TMTC2: variants seen among roughly 807,000 people sequenced by gnomAD.
The protein encoded by TMTC2 is protein O-mannosyl-transferase TMTC2.
TMTC2 carries 43 observed loss-of-function variants against 82.4 expected under a neutral mutation model. That is an observed-to-expected ratio of 0.52 (90% CI 0.41 to 0.67). TMTC2 has a LOEUF of 0.67. TMTC2 is among the 30% of genes least tolerant of loss of function. The probability of loss-of-function intolerance (pLI) is 0.00; values close to 1 mark genes in which losing one functional copy is unlikely to be tolerated. For missense variants in TMTC2, 919 were observed against 1,012.4 expected (o/e 0.91, Z 1.25); for synonymous variants, 408 against 381.9 (o/e 1.07, Z -0.80).
chr12:82,727,806 A>G (rs1262994250), intron 1 of TMTC2, among the ~76,000 whole-genome samples: 2 of 151,664 alleles, frequency 1.3e-5, no homozygotes, highest in East Asian at 2.0e-4. Context: ...TAACTCCACT[A>G]GAAAGTATTA....
chr12:83,039,712 A>G (rs552360867), intron 9 of TMTC2, among the ~76,000 whole-genome samples: 1 of 152,276 alleles, frequency 6.6e-6, no homozygotes, highest in Admixed American at 6.5e-5. Context: ...CTATACTGCA[A>G]TGTTATCATC....
At chr12:82,837,622 C>T (rs976047391) in intron 1 of TMTC2, among the ~76,000 whole-genome samples, 2 of 152,104 alleles carry the variant, frequency 1.3e-5, no homozygotes, top group Non-Finnish European at 2.9e-5. Flanking sequence ...GGCTTTTGGT[C>T]GATAGAAAAG....
intron 1 of TMTC2, among the ~76,000 whole-genome samples, chr12:82,694,184 A>G (rs1176585678): frequency 6.6e-6 from 1 of 152,014 alleles, no homozygotes; most frequent in Non-Finnish European, 1.5e-5. Flanking sequence ...AGTTGATAGC[A>G]TTTTTTAGAG....
chr12:82,947,696 C>G (rs1382311329), intron 4 of TMTC2, among the ~76,000 whole-genome samples: 1 of 152,114 alleles, frequency 6.6e-6, no homozygotes, highest in African/African-American at 2.4e-5. Context: ...TTGGCCATTT[C>G]TTACGCCCTG....
intron 8 of TMTC2, among the ~76,000 whole-genome samples, chr12:83,010,456 C>G (rs537080100): frequency 6.6e-6 from 1 of 152,320 alleles, no homozygotes; most frequent in Non-Finnish European, 1.5e-5. Context: ...CAGCTCTCCT[C>G]TTCCTTAGCC....
At position 82,778,632 on chromosome 12, in the gene TMTC2, C is replaced by G. The variant is rs549683148; in HGVS notation, c.84-78378C>G. On this transcript the variant is annotated intron_variant, in intron 1 of 11. Coordinates refer to ENST00000321196, the MANE Select transcript of TMTC2 (RefSeq NM_152588.3). ...TGGGAGGCCGAGGCGGGCGGATCAC[C>G]AGGTCAGGAGATCGAGACCATCCCG... Among the ~76,000 whole-genome samples, 97 of 151,850 alleles carry G rather than the reference C, an allele frequency of 6.4e-4. 1 individual carries two copies. The highest frequency in any genetic ancestry group is 1.1e-3 in the Non-Finnish European group (74 of 67,924).
intron 1 of TMTC2, among the ~76,000 whole-genome samples, chr12:82,798,495 C>CAAAAA (rs34277536): frequency 1.8e-4 from 23 of 124,528 alleles, no homozygotes; most frequent in Non-Finnish European, 2.8e-4. Context: ...AGACTCGTCT[C>CAAAAA]AAAAAAAAAA....
At chr12:82,879,509 C>G (rs1872728338) in intron 2 of TMTC2, among the ~76,000 whole-genome samples, 1 of 152,206 alleles carries the variant, frequency 6.6e-6, no homozygotes, top group Non-Finnish European at 1.5e-5. Flanking sequence ...GTAATGCCTG[C>G]TCACCGCTCA....
At chr12:82,817,975 C>G (rs1225466893) in intron 1 of TMTC2, among the ~76,000 whole-genome samples, 2 of 152,096 alleles carry the variant, frequency 1.3e-5, no homozygotes, top group Admixed American at 1.3e-4. Flanking sequence ...TAGTACCAGG[C>G]AGCACCTTTT....
Position 83,130,751 on chromosome 12 carries a change from C to T in TMTC2, c.2332-1459C>T, listed in dbSNP as rs1274646174. Among the ~76,000 whole-genome samples the T allele has an allele frequency of 2.0e-5, 3 of 152,132 alleles. No individual in the cohort carries two copies. In the East Asian group the frequency reaches 5.8e-4, roughly 29 times the overall value. On this transcript the variant is annotated intron_variant, in intron 11 of 11. Coordinates refer to ENST00000321196, the MANE Select transcript of TMTC2 (RefSeq NM_152588.3). ...TATTTGTAGAGTGTCTAATTTGTAC[C>T]TGCATTCTGCTATGTATATTTGTTT... is the stretch of plus-strand genomic sequence containing the variant.
At chr12:82,935,011 G>C (rs1876241627) in intron 4 of TMTC2, among the ~76,000 whole-genome samples, 1 of 151,760 alleles carries the variant, frequency 6.6e-6, no homozygotes. Context: ...TTCAAATTTA[G>C]AAAAAAATAA....
At chr12:83,064,663 C>A (rs1253398872) in intron 11 of TMTC2, among the ~76,000 whole-genome samples, 1 of 151,724 alleles carries the variant, frequency 6.6e-6, no homozygotes, top group African/African-American at 2.4e-5. Flanking sequence ...AAGTACTAAC[C>A]AGCCCAACCC....
intron 1 of TMTC2, among the ~76,000 whole-genome samples, chr12:82,762,962 A>T (rs1223641380): frequency 6.6e-6 from 1 of 152,172 alleles, no homozygotes; most frequent in Admixed American, 6.5e-5. Context: ...GTCCATTTTC[A>T]TACTGCTATG....
At chr12:82,704,767 G>A (rs1873262717) in intron 1 of TMTC2, among the ~76,000 whole-genome samples, 1 of 151,256 alleles carries the variant, frequency 6.6e-6, no homozygotes, top group Non-Finnish European at 1.5e-5. Context: ...ACAAATTTCT[G>A]TTCTGTATTA....
At chr12:82,950,356 C>T (rs1877281515) in intron 4 of TMTC2, among the ~76,000 whole-genome samples, 1 of 152,098 alleles carries the variant, frequency 6.6e-6, no homozygotes, top group Admixed American at 6.5e-5. Context: ...TATATTCACA[C>T]CTATTATTTT....
chr12:82,923,229 G>GT (rs1446471528), intron 3 of TMTC2, among the ~76,000 whole-genome samples: 2 of 152,198 alleles, frequency 1.3e-5, no homozygotes, highest in South Asian at 2.1e-4. Context: ...TTTCATTTCA[G>GT]GGGGGTTACT....
intron 1 of TMTC2, among the ~76,000 whole-genome samples, chr12:82,826,032 G>A (rs769010718): frequency 7.9e-5 from 12 of 152,286 alleles, no homozygotes; most frequent in Admixed American, 2.0e-4. Context: ...GGAAACAGCA[G>A]GTGATGCTAG....
chr12:83,082,052 A>G (rs1883490579), intron 11 of TMTC2, among the ~76,000 whole-genome samples: 1 of 152,210 alleles, frequency 6.6e-6, no homozygotes, highest in Non-Finnish European at 1.5e-5. Context: ...TTTACTGGGT[A>G]ATTCAGAATT....
At position 82,999,137 on chromosome 12, in the gene TMTC2, T is replaced by A. The variant is rs556382611; in HGVS notation, c.2070+13091T>A. ...CCAGGATCCCATTTAGGAAACCACG[T>A]TACATTTAGTAGTCATGTCTCCTTA... On this transcript the variant is annotated intron_variant, in intron 8 of 11. Coordinates refer to ENST00000321196, the MANE Select transcript of TMTC2 (RefSeq NM_152588.3). Among the ~76,000 whole-genome samples, 13 of 152,306 alleles carry A rather than the reference T, an allele frequency of 8.5e-5. No homozygotes were observed. In the East Asian group the frequency reaches 1.9e-3, roughly 23 times the overall value.
Sources: allele counts gnomAD v4.1 joint callset (sites outside exome capture counted in the v4.1 genomes callset), GRCh38; gene constraint gnomAD v4.1.1; transcripts MANE v1.5; gene names NCBI Gene and HGNC (gene_info 2026-07-23, HGNC 2026-07-21).